Variants in MAN1A1 observed in about 807,000 individuals in gnomAD.
MAN1A1 encodes mannosidase alpha class 1A member 1.
A neutral mutation model predicts 70.8 loss-of-function variants in MAN1A1; 29 were observed. The observed-to-expected ratio is 0.41, with a 90% CI of 0.31 to 0.56. The LOEUF (loss-of-function observed/expected upper bound fraction) is 0.56. MAN1A1 is among the 20% of genes least tolerant of loss of function. The pLI, the probability that MAN1A1 is intolerant of heterozygous loss-of-function variation, is 0.29. For synonymous variants in MAN1A1, 349 were observed against 330.1 expected (o/e 1.06, Z -0.62); for missense variants, 747 against 841.3 (o/e 0.89, Z 1.39).
chr6:119,267,683 C>A (rs1202940233), intron 5 of MAN1A1, among the ~76,000 whole-genome samples: 1 of 152,174 alleles, frequency 6.6e-6, no homozygotes, highest in Non-Finnish European at 1.5e-5. Flanking sequence ...TTGTCCCAAT[C>A]ATACTTCCTT....
rs185479373 is a variant in MAN1A1 at position 119,198,813 on chromosome 6, C to T, written c.1210+2441G>A. On this transcript the variant is annotated intron_variant, in intron 8 of 12. Coordinates refer to ENST00000368468, the MANE Select transcript of MAN1A1 (RefSeq NM_005907.4). ...TACATCAAGACAAGTCAGCCTCACA[C>T]AGTAATACAGTCAGAAAAAGAAAGG... Among the ~76,000 whole-genome samples the T allele has an allele frequency of 1.5e-3, 224 of 152,254 alleles. 1 individual carries two copies. The highest frequency in any genetic ancestry group is 5.1e-3 in the African/African-American group (213 of 41,544).
chr6:119,249,558 G>C (rs540998367), intron 5 of MAN1A1, among the ~76,000 whole-genome samples: 2 of 152,168 alleles, frequency 1.3e-5, no homozygotes, highest in African/African-American at 4.8e-5. Flanking sequence ...AGAGAGGCTG[G>C]AGGAGCCCTG....
chr6:119,180,319 T>C lies in MAN1A1; in HGVS notation c.1828A>G (p.Thr610Ala). The C allele has an allele frequency of 6.2e-7, 1 of 1,612,296 alleles. No homozygotes were observed. Residue 610 changes from threonine to alanine, a missense_variant, in exon 12 of 13, where the codon ACA (threonine) becomes GCA (alanine). Thr to Ala is a moderately conservative substitution (Grantham distance 58, BLOSUM62 0). This residue lies in a region of MAN1A1 where 419 missense variants were observed against 548.2 expected (regional missense o/e 0.76). Coordinates refer to ENST00000368468, the MANE Select transcript of MAN1A1 (RefSeq NM_005907.4). Reference sequence around the variant, plus strand: ...AGAATAATTTTCACCTACTTCAATGTCTCTGCCAGGAAGAAACTCTGCTGC... The same window carrying C: ...AGAATAATTTTCACCTACTTCAATGCCTCTGCCAGGAAGAAACTCTGCTGC... Reference protein sequence around the residue: ...DVQQSFFLAETLKYLYLIFSD... With the variant: ...DVQQSFFLAEALKYLYLIFSD...
At chr6:119,315,350 GAA>G (rs66955260) in intron 2 of MAN1A1, among the ~76,000 whole-genome samples, 1,813 of 152,270 alleles carry the variant, frequency 0.012, 35 homozygotes, top group African/African-American at 0.042. Flanking sequence ...AATTTCTTTA[GAA>G]AAAGAGTCAG....
At chr6:119,211,862 G>A (rs1351051337) in intron 6 of MAN1A1, among the ~76,000 whole-genome samples, 1 of 138,168 alleles carries the variant, frequency 7.2e-6, no homozygotes, top group South Asian at 2.2e-4. Context: ...TTTTTTTTGA[G>A]ATGGAGTCTC....
At chr6:119,350,161 C>T (rs1291244432), upstream of MAN1A1, among the ~76,000 whole-genome samples, 2 of 152,202 alleles carry the variant, frequency 1.3e-5, no homozygotes, top group East Asian at 1.9e-4. Context: ...CTGCCTCCTC[C>T]TCCGACCCGT....
intron 2 of MAN1A1, among the ~76,000 whole-genome samples, chr6:119,324,684 A>G (rs958600548): frequency 1.3e-5 from 2 of 152,114 alleles, no homozygotes; most frequent in African/African-American, 4.8e-5. Flanking sequence ...TTTTCACTTT[A>G]TTGTAGAACT....
intron 8 of MAN1A1, among the ~76,000 whole-genome samples, chr6:119,195,786 G>A (rs1047283342): frequency 6.6e-6 from 1 of 152,048 alleles, no homozygotes; most frequent in African/African-American, 2.4e-5. Context: ...AAGTAGTTAA[G>A]TATGTGATTT....
At chr6:119,201,868 C>G (rs1269267996) in intron 7 of MAN1A1, among the ~76,000 whole-genome samples, 1 of 152,056 alleles carries the variant, frequency 6.6e-6, no homozygotes, top group Non-Finnish European at 1.5e-5. Context: ...TAGGGTTATA[C>G]ATTTTATAAC....
intron 5 of MAN1A1, among the ~76,000 whole-genome samples, chr6:119,274,144 T>C (rs748845589): frequency 6.6e-6 from 1 of 152,226 alleles, no homozygotes; most frequent in African/African-American, 2.4e-5. Context: ...TGGTTTTGAG[T>C]GTTCTCATTT....
At chr6:119,273,699 C>CT (rs1338649468) in intron 5 of MAN1A1, among the ~76,000 whole-genome samples, 1 of 152,068 alleles carries the variant, frequency 6.6e-6, no homozygotes, top group East Asian at 1.9e-4. Flanking sequence ...TTCCAGAACA[C>CT]TTTTATCATA....
In MAN1A1 at chr6:119,218,697, T is replaced by C. The variant is rs535032266; in HGVS notation, c.993-13815A>G. 2.2e-4 allele frequency among the ~76,000 whole-genome samples: 33 copies of C among 152,258 alleles called. No individual in the cohort carries two copies. The East Asian group carries it at 2.9e-3, about 13-fold the overall frequency. On this transcript the variant is annotated intron_variant, in intron 6 of 12. Transcript: ENST00000368468. ...CTCAAAGCTGTGCATGTTAGGTGAA[T>C]TGGCATGTCTACATGGTCCTAGTCT...
chr6:119,287,920 G>T (rs1291544406), intron 5 of MAN1A1, among the ~76,000 whole-genome samples: 6 of 151,840 alleles, frequency 4.0e-5, no homozygotes, highest in Non-Finnish European at 2.9e-5. Context: ...AATTCTTGTG[G>T]TTGAGCTTCT....
At chr6:119,233,391 A>G (rs1774742608) in intron 6 of MAN1A1, among the ~76,000 whole-genome samples, 1 of 152,224 alleles carries the variant, frequency 6.6e-6, no homozygotes, top group South Asian at 2.1e-4. Context: ...CATCTAGTTA[A>G]AAATAATTTA....
At chr6:119,260,330 G>T (rs1775572814) in intron 5 of MAN1A1, among the ~76,000 whole-genome samples, 1 of 152,122 alleles carries the variant, frequency 6.6e-6, no homozygotes, top group Non-Finnish European at 1.5e-5. Context: ...TCATACACTA[G>T]TTCTGGTATA....
chr6:119,272,268 C>T (rs1236557777), intron 5 of MAN1A1, among the ~76,000 whole-genome samples: 1 of 152,182 alleles, frequency 6.6e-6, no homozygotes, highest in Non-Finnish European at 1.5e-5. Context: ...TTCTGGTAGA[C>T]TGTGTCCTTC....
chr6:119,199,141 A>G (rs940344864), intron 8 of MAN1A1, among the ~76,000 whole-genome samples: 3 of 152,220 alleles, frequency 2.0e-5, no homozygotes, highest in East Asian at 1.9e-4. Context: ...ACATTTGTTA[A>G]TATCATCATC....
rs1261970090 is a variant in MAN1A1 at position 119,178,822 on chromosome 6, G to C, written c.*997C>G. 2 of 152,096 alleles carry C rather than the reference G, an allele frequency of 1.3e-5. No individual in the cohort carries two copies. The highest frequency in any genetic ancestry group is 2.9e-5 in the Non-Finnish European group (2 of 67,986). 9.4% of individuals were successfully genotyped at this position (152,096 alleles called of 1,614,324 possible). ...GAAATAATTTACTACATCTGAGATA[G>C]AGCCTTTTTCAAATCTGAGAAATCT... On this transcript the variant is annotated 3_prime_UTR_variant, in exon 13 of 13. Coordinates refer to ENST00000368468, the MANE Select transcript of MAN1A1 (RefSeq NM_005907.4).
At chr6:119,324,764 A>G (rs954678028) in intron 2 of MAN1A1, among the ~76,000 whole-genome samples, 1 of 152,176 alleles carries the variant, frequency 6.6e-6, no homozygotes, top group African/African-American at 2.4e-5. Flanking sequence ...TGAATATTTT[A>G]TTTGACAATG....
Sources: allele counts gnomAD v4.1 joint callset (sites outside exome capture counted in the v4.1 genomes callset), GRCh38; gene constraint gnomAD v4.1.1; regional missense constraint gnomAD v4.1.1; transcripts MANE v1.5; gene names NCBI Gene and HGNC (gene_info 2026-07-23, HGNC 2026-07-21).